IFT43: variants seen among roughly 807,000 people sequenced by gnomAD.
The protein encoded by IFT43 is intraflagellar transport 43.
Under a neutral mutation model 32.3 loss-of-function variants are expected in IFT43, and 33 were observed. That is an observed-to-expected ratio of 1.02 (90% confidence interval 0.77 to 1.37). IFT43 has a LOEUF of 1.37. IFT43 is among the 40% of genes most tolerant of loss of function. IFT43 has a pLI of 0.00. For missense variants in IFT43, 274 were observed against 265.9 expected, an observed-to-expected ratio of 1.03 and a Z score of -0.21; for synonymous variants, 93 against 98.2, an observed-to-expected ratio of 0.95 and a Z score of 0.31.
At chr14:76,051,028 C>A (rs1490660917) in intron 3 of IFT43, among the ~76,000 whole-genome samples, 1 of 151,636 alleles carries the variant, frequency 6.6e-6, no homozygotes, top group Non-Finnish European at 1.5e-5. Context: ...TTGTGATTCA[C>A]TAGGCCTTGG....
At chr14:76,064,207 ATAAT>A (rs1342606974) in intron 5 of IFT43, among the ~76,000 whole-genome samples, 1 of 152,160 alleles carries the variant, frequency 6.6e-6, no homozygotes, top group African/African-American at 2.4e-5. Context: ...CCACCCACTA[ATAAT>A]TGCCAATGAC....
intron 3 of IFT43, among the ~76,000 whole-genome samples, chr14:76,028,022 T>C (rs1293450847): frequency 6.6e-6 from 1 of 152,128 alleles, no homozygotes; most frequent in Non-Finnish European, 1.5e-5. Context: ...CATTCTGGGT[T>C]TCTCTAACTG....
At chr14:76,031,435 T>C (rs538500687) in intron 3 of IFT43, among the ~76,000 whole-genome samples, 1 of 152,338 alleles carries the variant, frequency 6.6e-6, no homozygotes, top group East Asian at 1.9e-4. Flanking sequence ...CCTAGGCTAT[T>C]ATGTAGCATG....
At chr14:76,011,618 C>T (rs924582294) in intron 2 of IFT43, among the ~76,000 whole-genome samples, 7 of 152,190 alleles carry the variant, frequency 4.6e-5, no homozygotes, top group Non-Finnish European at 4.4e-5. Context: ...TACCTAATGG[C>T]TTTAGCACTC....
intron 3 of IFT43, among the ~76,000 whole-genome samples, chr14:76,040,886 C>T (rs572863357): frequency 1.3e-5 from 2 of 152,204 alleles, no homozygotes; most frequent in Admixed American, 1.3e-4. Flanking sequence ...GATGAACTTG[C>T]TGCCTGTGCA....
At chr14:75,992,162 G>A (rs924065131) in intron 2 of IFT43, among the ~76,000 whole-genome samples, 3 of 152,180 alleles carry the variant, frequency 2.0e-5, no homozygotes, top group African/African-American at 7.2e-5. Flanking sequence ...TGGGAGCTCT[G>A]GTGAAGGAAG....
chr14:76,000,842 T>A (rs1594807528), intron 2 of IFT43, among the ~76,000 whole-genome samples: 1 of 152,256 alleles, frequency 6.6e-6, no homozygotes, highest in Admixed American at 6.5e-5. Flanking sequence ...AGACTGAGAA[T>A]TTAAGAGTCT....
intron 4 of IFT43, chr14:76,059,073 A>G (rs2037080819): frequency 1.4e-6 from 2 of 1,428,224 alleles, no homozygotes; most frequent in Admixed American, 5.6e-5. Context: ...CCAGTTTCCT[A>G]CTCCCAGGGG....
intron 2 of IFT43, among the ~76,000 whole-genome samples, chr14:76,001,061 TC>T (rs779225305): frequency 1.1e-4 from 17 of 152,194 alleles, no homozygotes; most frequent in South Asian, 2.1e-4. Context: ...AACTCCCGAT[TC>T]CTTTTTTGAC....
chr14:76,038,180 A>G (rs1369247767), intron 3 of IFT43: 1 of 152,236 alleles, frequency 6.6e-6, no homozygotes, highest in East Asian at 1.9e-4. Flanking sequence ...ATATTGGGTA[A>G]AATCAGATGG....
At chr14:75,989,772 C>T (rs1322458666) in intron 2 of IFT43, among the ~76,000 whole-genome samples, 1 of 152,208 alleles carries the variant, frequency 6.6e-6, no homozygotes, top group Non-Finnish European at 1.5e-5. Context: ...TGGCTTCTAG[C>T]TTGCTGGCCC....
intron 1 of IFT43, among the ~76,000 whole-genome samples, chr14:75,988,407 T>C (rs2035571294): frequency 6.6e-6 from 1 of 152,150 alleles, no homozygotes; most frequent in Non-Finnish European, 1.5e-5. Context: ...AGGTGCTTTG[T>C]TTTAAGGGGT....
intron 2 of IFT43, among the ~76,000 whole-genome samples, chr14:76,007,551 G>A (rs1195643773): frequency 6.6e-6 from 1 of 152,142 alleles, no homozygotes. Flanking sequence ...AGCAAGGCTA[G>A]ACTGTGCTTA....
At chr14:76,083,352 C>T in intron 8 of IFT43, 63 bp downstream of exon 8, 1 of 1,610,518 alleles carries the variant, frequency 6.2e-7, no homozygotes, top group South Asian at 1.1e-5. Flanking sequence ...CAGCCGACTC[C>T]CGGGCTGGCC....
At chr14:75,990,026 T>G (rs2035606339) in intron 2 of IFT43, among the ~76,000 whole-genome samples, 1 of 152,222 alleles carries the variant, frequency 6.6e-6, no homozygotes, top group South Asian at 2.1e-4. Context: ...AATCATTACT[T>G]TAAGATAACA....
At chr14:76,053,492 T>G (rs982285661) in intron 3 of IFT43, among the ~76,000 whole-genome samples, 4 of 152,198 alleles carry the variant, frequency 2.6e-5, no homozygotes, top group Non-Finnish European at 4.4e-5. Context: ...CGCCTTCACC[T>G]TCACATCGTC....
intron 1 of IFT43, among the ~76,000 whole-genome samples, chr14:75,988,126 A>T (rs1194835586): frequency 1.3e-5 from 2 of 152,212 alleles, no homozygotes; most frequent in Non-Finnish European, 2.9e-5. Context: ...TTCTTTGGGT[A>T]GAAAATAGAA....
intron 3 of IFT43, among the ~76,000 whole-genome samples, chr14:76,037,875 T>C (rs1269323560): frequency 6.6e-6 from 1 of 152,102 alleles, no homozygotes; most frequent in Non-Finnish European, 1.5e-5. Context: ...ATGAGTAAAT[T>C]TGGGGCATTT....
At chr14:76,059,566 TCTGATAACCCTG>T in intron 5 of IFT43, 193 bp downstream of exon 5, 1 of 623,864 alleles carries the variant, frequency 1.6e-6, no homozygotes, top group South Asian at 1.8e-5. Context: ...CCCTTCTTTA[TCTGATAACCCTG>T]CTTATCCTTC....
Sources: gnomAD v4.1 joint callset for allele counts (sites outside exome capture counted in the v4.1 genomes callset) on GRCh38, gnomAD v4.1.1 for gene constraint, MANE v1.5 for transcripts, NCBI Gene and HGNC (gene_info 2026-07-23, HGNC 2026-07-21) for gene names.